Variants in SEC63 observed in about 807,000 individuals in gnomAD.
The protein encoded by SEC63 is translocation protein SEC63 homolog.
Under a neutral mutation model 116.2 loss-of-function variants are expected in SEC63, and 56 were observed. The ratio of observed to expected loss-of-function variants is 0.48; its 90% CI spans 0.39 to 0.60. SEC63 has a LOEUF of 0.60. SEC63 is among the 20% of genes least tolerant of loss of function. The probability of loss-of-function intolerance (pLI) is 0.00; values close to 1 mark genes in which losing one functional copy is unlikely to be tolerated. For synonymous variants in SEC63, 273 were observed against 294.6 expected (o/e 0.93, Z 0.75); for missense variants, 668 against 900.0 (o/e 0.74, Z 3.30).
At chr6:107,891,184 C>T (rs1051372640) in intron 16 of SEC63, among the ~76,000 whole-genome samples, 5 of 152,230 alleles carry the variant, frequency 3.3e-5, no homozygotes, top group African/African-American at 9.6e-5. Context: ...CCATTCTCCC[C>T]GTCACTTTCA....
chr6:107,949,301 G>A (rs1770535485), intron 1 of SEC63, among the ~76,000 whole-genome samples: 1 of 152,172 alleles, frequency 6.6e-6, no homozygotes, highest in South Asian at 2.1e-4. Context: ...GATGTTTAAT[G>A]TAATCCCCAT....
At chr6:107,882,470 A>C (rs914367721) in intron 17 of SEC63, among the ~76,000 whole-genome samples, 1 of 152,168 alleles carries the variant, frequency 6.6e-6, no homozygotes, top group Non-Finnish European at 1.5e-5. Context: ...TTCTGTAAAG[A>C]CTTCCCCTGT....
intron 1 of SEC63, among the ~76,000 whole-genome samples, chr6:107,936,676 G>A (rs1174441296): frequency 6.6e-6 from 1 of 152,100 alleles, no homozygotes; most frequent in Admixed American, 6.5e-5. Flanking sequence ...ATCTAGATTT[G>A]GGTTATGGCT....
chr6:107,912,666 C>T (rs1347855315), intron 6 of SEC63, 50 bp downstream of exon 6: 9 of 1,177,328 alleles, frequency 7.6e-6, no homozygotes, highest in Non-Finnish European at 1.0e-5. Flanking sequence ...TTGTACATAA[C>T]AAAAATTTTG....
chr6:107,914,831 C>T (rs575735683), intron 4 of SEC63, among the ~76,000 whole-genome samples: 6 of 152,254 alleles, frequency 3.9e-5, no homozygotes, highest in South Asian at 4.1e-4. Context: ...TTATGCAAAA[C>T]AAACTGCTCT....
At chr6:107,894,161 T>TA (rs1299659518) in intron 14 of SEC63, among the ~76,000 whole-genome samples, 7 of 152,200 alleles carry the variant, frequency 4.6e-5, no homozygotes, top group African/African-American at 1.7e-4. Context: ...ATACATACAG[T>TA]AAAAATATTT....
chr6:107,914,901 T>C (rs993041667), intron 4 of SEC63, among the ~76,000 whole-genome samples: 7 of 152,104 alleles, frequency 4.6e-5, no homozygotes, highest in African/African-American at 1.4e-4. Flanking sequence ...TCAGAGACAC[T>C]CTGATTTTGC....
At chr6:107,913,741 T>C (rs1351836681) in intron 4 of SEC63, among the ~76,000 whole-genome samples, 2 of 152,220 alleles carry the variant, frequency 1.3e-5, no homozygotes, top group Non-Finnish European at 2.9e-5. Context: ...CTACATTTTC[T>C]AAGAAGGCAG....
Position 107,872,860 on chromosome 6 carries a change from A to G in SEC63, c.2087T>C (p.Val696Ala). The change falls in exon 20 of 21, where the codon GTG (valine) becomes GCG (alanine). Residue 696 changes from valine (V) to alanine (A), a missense_variant. Around this residue, in one of 5 missense-constraint regions of SEC63, gnomAD observed 85 missense variants for 116.3 expected, o/e 0.73. Coordinates refer to ENST00000369002, the MANE Select transcript of SEC63 (RefSeq NM_007214.5). ...CATATAGGAGTCTGATCTCAGAAAC[A>G]CAGTATACTGATAATTTCCAGGCTT... Reference protein sequence around the residue: ...PGKPGNYQYTVFLRSDSYMGL... With the variant: ...PGKPGNYQYTAFLRSDSYMGL... 1 of 1,554,224 alleles carries G rather than the reference A, an allele frequency of 6.4e-7. No individual in the cohort carries two copies. Among genetic ancestry groups the G allele is most frequent in the Non-Finnish European group, 8.7e-7 (1 of 1,147,290 alleles).
intron 12 of SEC63, among the ~76,000 whole-genome samples, chr6:107,902,247 C>T (rs1002648139): frequency 2.0e-5 from 3 of 152,082 alleles, no homozygotes; most frequent in Non-Finnish European, 4.4e-5. Flanking sequence ...TTCCAACATG[C>T]ATTTATTAAT....
chr6:107,872,095 A>C (rs903670090), intron 20 of SEC63, among the ~76,000 whole-genome samples: 8 of 152,174 alleles, frequency 5.3e-5, no homozygotes, highest in Non-Finnish European at 1.0e-4. Context: ...TGTATGTTAT[A>C]CTATTTATGA....
rs62427368 is a variant in SEC63, at chr6:107,868,271, T to G, written c.*3433A>C. Reference sequence around the variant, plus strand: ...GGAAAGGATGATGATTTGTTGTTTTTGTTTTTTTTCCAAAAAAACCCAACA... The same window carrying G: ...GGAAAGGATGATGATTTGTTGTTTTGGTTTTTTTTCCAAAAAAACCCAACA... On this transcript the variant is annotated 3_prime_UTR_variant, in exon 21 of 21. Transcript: ENST00000369002. 2 of 151,896 alleles carry G rather than the reference T, an allele frequency of 1.3e-5. No individual in the cohort carries two copies. Among genetic ancestry groups the G allele is most frequent in the Admixed American group, 1.3e-4 (2 of 15,244 alleles). 9.4% of individuals were successfully genotyped at this position (151,896 alleles called of 1,614,324 possible).
chr6:107,927,264 C>T (rs1787696475), intron 2 of SEC63, among the ~76,000 whole-genome samples: 1 of 152,092 alleles, frequency 6.6e-6, no homozygotes, highest in East Asian at 1.9e-4. Context: ...CAGGGTTTCA[C>T]TATGTTGGCC....
intron 1 of SEC63, among the ~76,000 whole-genome samples, chr6:107,956,365 C>T (rs540569418): frequency 9.2e-5 from 14 of 152,232 alleles, no homozygotes; most frequent in African/African-American, 2.9e-4. Context: ...AATACAACAA[C>T]CACAAGAATG....
At chr6:107,912,861 T>C (rs1022918045) in intron 5 of SEC63, 87 bp from the exon 6 acceptor site, 2 of 951,282 alleles carry the variant, frequency 2.1e-6, no homozygotes, top group Non-Finnish European at 3.3e-6. Context: ...CTATAATATA[T>C]CCCAGAACTC....
intron 10 of SEC63, among the ~76,000 whole-genome samples, chr6:107,905,383 C>G (rs560876622): frequency 6.6e-6 from 1 of 152,132 alleles, no homozygotes; most frequent in Admixed American, 6.5e-5. Context: ...AATTACTAAG[C>G]GTCACATGGC....
chr6:107,948,822 C>T (rs1328872415), intron 1 of SEC63, among the ~76,000 whole-genome samples: 2 of 152,196 alleles, frequency 1.3e-5, no homozygotes, highest in Non-Finnish European at 2.9e-5. Context: ...ACAGACCCTT[C>T]ACAAGATAAT....
chr6:107,956,336 G>C (rs953053297), intron 1 of SEC63, among the ~76,000 whole-genome samples: 1 of 152,138 alleles, frequency 6.6e-6, no homozygotes, highest in Non-Finnish European at 1.5e-5. Flanking sequence ...CTACTGAAAA[G>C]TGTACCCTTT....
intron 1 of SEC63, among the ~76,000 whole-genome samples, chr6:107,953,432 C>T (rs1294299922): frequency 2.9e-4 from 42 of 146,730 alleles, no homozygotes; most frequent in Middle Eastern, 3.7e-3. Flanking sequence ...CCGCCCCGTC[C>T]GGGAGGTGAG....
Sources: allele counts gnomAD v4.1 joint callset (sites outside exome capture counted in the v4.1 genomes callset), GRCh38; gene constraint gnomAD v4.1.1; regional missense constraint gnomAD v4.1.1; transcripts MANE v1.5; gene names NCBI Gene and HGNC (gene_info 2026-07-23, HGNC 2026-07-21).